The following MMP10 variants were observed in gnomAD, a reference collection of about 807,000 sequenced individuals.
MMP10 encodes the protein stromelysin-2.
In MMP10, 50 loss-of-function variants were observed where a neutral mutation model predicts 49.1. The observed-to-expected ratio is 1.02, with a 90% CI of 0.81 to 1.29. The LOEUF (loss-of-function observed/expected upper bound fraction) is 1.29, where lower values mean the gene tolerates loss of function less well. Among genes scored for constraint, MMP10 ranks in the 50% most tolerant of loss-of-function variants. The probability of loss-of-function intolerance (pLI) is 0.00; values close to 1 mark genes in which losing one functional copy is unlikely to be tolerated. For missense variants in MMP10, 613 were observed against 563.8 expected (o/e 1.09, Z -0.88); for synonymous variants, 229 against 201.6 (o/e 1.14, Z -1.15).
At chr11:102,775,751 C>A (rs1249440704) in intron 6 of MMP10, among the ~76,000 whole-genome samples, 1 of 152,118 alleles carries the variant, frequency 6.6e-6, no homozygotes, top group Non-Finnish European at 1.5e-5. Context: ...AAGCACATAT[C>A]ACTTTTTTCC....
In MMP10 at chr11:102,772,763, G is replaced by T; in HGVS notation, c.1226+84C>A. On this transcript the variant is annotated intron_variant, in intron 8 of 9. Transcript: ENST00000279441. The surrounding 1 kb of genome is among the most constrained non-coding windows in gnomAD (Gnocchi z 4.4). ...GAAGTTAGAGAAAGTTAGAGGGTGG[G>T]TGTAGGGTAGGGAAATATCCTTAAA... is the stretch of plus-strand genomic sequence containing the variant. The T allele has an allele frequency of 2.9e-6, 4 of 1,390,840 alleles. No homozygotes were observed. Among genetic ancestry groups the T allele is most frequent in the Non-Finnish European group, 3.9e-6 (4 of 1,017,318 alleles). 86.2% of individuals were successfully genotyped at this position (1,390,840 alleles called of 1,614,324 possible).
At chr11:102,771,937 G>T in intron 9 of MMP10, 75 bp downstream of exon 9, 1 of 934,226 alleles carries the variant, frequency 1.1e-6, no homozygotes, top group Non-Finnish European at 1.7e-6. Context: ...AAACTGTTTT[G>T]ATTCTGCACT....
At chr11:102,780,426 G>A (rs887261582) in intron 1 of MMP10, 61 bp downstream of exon 1, 2 of 1,387,594 alleles carry the variant, frequency 1.4e-6, no homozygotes, top group African/African-American at 1.4e-5. Context: ...CTTTGTATTG[G>A]AAGACCAAGT....
chr11:102,775,367 T>C, intron 6 of MMP10, 46 bp from the exon 7 acceptor site: 5 of 1,506,374 alleles, frequency 3.3e-6, no homozygotes, highest in Non-Finnish European at 4.5e-6. Context: ...CTTTTAGATA[T>C]GTGAAAAAAA....
At position 102,779,761 on chromosome 11, in the gene MMP10, A is replaced by G; in HGVS notation, c.106-16T>C. ...CTAGGTATTGCTAATGGAAAATAGAATTTTTAGGGCATTTTTGTGATTTTC... is the reference window on the plus strand; with the variant it reads ...CTAGGTATTGCTAATGGAAAATAGAGTTTTTAGGGCATTTTTGTGATTTTC... On this transcript the variant is annotated splice_polypyrimidine_tract_variant and intron_variant, in intron 1 of 9. Coordinates refer to ENST00000279441, the MANE Select transcript of MMP10 (RefSeq NM_002425.3). The G allele has an allele frequency of 6.3e-7, 1 of 1,593,138 alleles. No individual in the cohort carries two copies.
intron 9 of MMP10, 32 bp from the exon 10 acceptor site, chr11:102,770,925 A>C (rs1177911221): frequency 7.3e-7 from 1 of 1,366,642 alleles, no homozygotes; most frequent in Non-Finnish European, 1.0e-6. Context: ...ATGATGAGAC[A>C]TCTTCAAATA....
rs79630147 is a variant in MMP10 at position 102,771,073 on chromosome 11, A to T, written c.1331-180T>A. Among the ~76,000 whole-genome samples, 1,325 of 152,310 alleles carry T rather than the reference A, an allele frequency of 8.7e-3. 24 individuals carry two copies. The highest frequency in any genetic ancestry group is 0.03 in the African/African-American group (1,250 of 41,566). The stretch of plus-strand genomic sequence containing the variant: ...TCAATTACCCTTACAAAAAACTGTG[A>T]TGTGTTATTAATGAGAACAAAACTA... On this transcript the variant is annotated intron_variant, in intron 9 of 9. Coordinates refer to ENST00000279441, the MANE Select transcript of MMP10 (RefSeq NM_002425.3).
At chr11:102,774,957 A>G (rs1862007484) in intron 7 of MMP10, among the ~76,000 whole-genome samples, 1 of 152,216 alleles carries the variant, frequency 6.6e-6, no homozygotes, top group African/African-American at 2.4e-5. Context: ...GTATCTATAG[A>G]TAAATTGACA....
intron 9 of MMP10, 110 bp from the exon 10 acceptor site, chr11:102,771,003 TTACTC>T: frequency 1.4e-6 from 1 of 709,890 alleles, no homozygotes; most frequent in South Asian, 1.9e-5. Flanking sequence ...TATTAAGTGA[TTACTC>T]TATGCCAAGC....
Position 102,770,695 on chromosome 11 carries a change from A to G in MMP10, c.*98T>C, listed in dbSNP as rs1349931898. On this transcript the variant is annotated 3_prime_UTR_variant, in exon 10 of 10. Transcript: ENST00000279441. ...AAGGCTCATCTTCTTCAGTCACAGA[A>G]CATGCAGGAAAAATTAACCATTTTG... The G allele has an allele frequency of 8.7e-6, 6 of 693,634 alleles. No homozygotes were observed. The highest frequency in any genetic ancestry group is 1.4e-5 in the Non-Finnish European group (6 of 415,090). The allele number at this position is 693,634 out of a possible 1,614,324, so 43.0% of individuals were successfully genotyped here.
chr11:102,775,405 T>C, intron 6 of MMP10, 84 bp from the exon 7 acceptor site: 1 of 1,148,564 alleles, frequency 8.7e-7, no homozygotes, highest in South Asian at 1.8e-5. Flanking sequence ...TCCATGCTAA[T>C]TCACCCATTC....
chr11:102,774,719 C>T (rs986273638), intron 7 of MMP10, among the ~76,000 whole-genome samples: 4 of 152,140 alleles, frequency 2.6e-5, no homozygotes, highest in African/African-American at 9.7e-5. Flanking sequence ...AAAGAAGCCT[C>T]TATACCTGAA....
Position 102,772,143 on chromosome 11 carries a change from A to C in MMP10, c.1227-28T>G, listed in dbSNP as rs1433037196. ...AAACCAAATGAAAGAAATACAGTTC[A>C]ATGATGTGCAGTAGTCCCATTACAC... On this transcript the variant is annotated intron_variant, in intron 8 of 9. Transcript: ENST00000279441. The surrounding 1 kb of genome is among the most constrained non-coding windows in gnomAD (Gnocchi z 4.4). 1 of 1,398,638 alleles carries C rather than the reference A, an allele frequency of 7.1e-7. No homozygotes were observed. Among genetic ancestry groups the C allele is most frequent in the African/African-American group, 1.4e-5 (1 of 70,616 alleles). 86.6% of individuals were successfully genotyped at this position (1,398,638 alleles called of 1,614,324 possible).
In MMP10 at chr11:102,776,612, CG is replaced by C; in HGVS notation, c.786del (p.Tyr262Ter). The C allele has an allele frequency of 6.2e-7, 1 of 1,612,378 alleles. No homozygotes were observed. Among genetic ancestry groups the C allele is most frequent in the Non-Finnish European group, 8.5e-7 (1 of 1,179,504 alleles). ...GCCTAATTTTTCCAGCATCACTCAC[CG>C]TAGAGAGACTGAATGCCATTCACAT... The part of the protein sequence containing the change: ...QDDVNGIQSL[Y>X]GPPPASTEEP... On this transcript the variant is annotated frameshift_variant and splice_region_variant, in exon 5 of 10. Transcript: ENST00000279441. LOFTEE classifies it high-confidence loss of function.
rs550680862 is a variant in MMP10, at chr11:102,772,719, C to T, written c.1226+128G>A. On this transcript the variant is annotated intron_variant, in intron 8 of 9. Coordinates refer to ENST00000279441, the MANE Select transcript of MMP10 (RefSeq NM_002425.3). The surrounding 1 kb of genome is among the most constrained non-coding windows in gnomAD (Gnocchi z 4.4). ...GGAAGGTAGAACAATAAGCTGTCTT[C>T]CTCATAATCATAAATTTTGAAGTTA... is the stretch of plus-strand genomic sequence containing the variant. 2.1e-6 allele frequency: 2 copies of T among 966,232 alleles called. No homozygotes were observed. The highest frequency in any genetic ancestry group is 2.4e-5 in the Admixed American group (1 of 41,980). 59.9% of individuals were successfully genotyped at this position (966,232 alleles called of 1,614,324 possible).
In MMP10 at chr11:102,770,909, A is replaced by T; in HGVS notation, c.1331-16T>A. ...TAGAAAAATCCTGTAAATATAGATA[A>T]GGAAAATGATGAGACATCTTCAAAT... On this transcript the variant is annotated splice_polypyrimidine_tract_variant and intron_variant, in intron 9 of 9. Coordinates refer to ENST00000279441, the MANE Select transcript of MMP10 (RefSeq NM_002425.3). The T allele has an allele frequency of 6.5e-7, 1 of 1,531,976 alleles. No individual in the cohort carries two copies. Among genetic ancestry groups the T allele is most frequent in the Non-Finnish European group, 9.0e-7 (1 of 1,110,420 alleles). The allele number at this position is 1,531,976 out of a possible 1,614,324, so 94.9% of individuals were successfully genotyped here.
In MMP10 at chr11:102,776,606, A is replaced by G. The variant is rs772399773; in HGVS notation, c.787+6T>C. 6.2e-6 allele frequency: 10 copies of G among 1,604,244 alleles called. No homozygotes were observed. Among genetic ancestry groups the G allele is most frequent in the Non-Finnish European group, 7.6e-6 (9 of 1,176,856 alleles). ...TGCAATGCCTAATTTTTCCAGCATC[A>G]CTCACCGTAGAGAGACTGAATGCCA... On this transcript the variant is annotated splice_donor_region_variant and intron_variant, in intron 5 of 9. Transcript: ENST00000279441.
intron 1 of MMP10, among the ~76,000 whole-genome samples, 199 bp from the exon 2 acceptor site, chr11:102,779,944 T>C (rs986023222): frequency 2.6e-5 from 4 of 152,202 alleles, no homozygotes; most frequent in Non-Finnish European, 5.9e-5. Context: ...AAGTAAGGAA[T>C]TGGGGATTGA....
chr11:102,776,298 T>C lies in MMP10; in HGVS notation c.914A>G (p.Tyr305Cys). The change falls in exon 6 of 10, where the codon TAT (tyrosine) becomes TGT (cysteine). Residue 305 changes from tyrosine (Y) to cysteine (C), a missense_variant. Physicochemically the swap from Tyr to Cys is radical, Grantham distance 194. Coordinates refer to ENST00000279441, the MANE Select transcript of MMP10 (RefSeq NM_002425.3). ...FDAISTLRGE[Y>C]LFFKDRYFWR... ...GTCTGACCTGTCTTTAAAGAACAGATATTCTCCCCTCAGAGTGCTGATGGC... is the reference window on the plus strand; with the variant it reads ...GTCTGACCTGTCTTTAAAGAACAGACATTCTCCCCTCAGAGTGCTGATGGC... The C allele has an allele frequency of 6.2e-7, 1 of 1,613,754 alleles. No homozygotes were observed. Among genetic ancestry groups the C allele is most frequent in the Non-Finnish European group, 8.5e-7 (1 of 1,179,820 alleles).
Sources: gnomAD v4.1 joint callset for allele counts (sites outside exome capture counted in the v4.1 genomes callset) on GRCh38, gnomAD v4.1.1 for gene constraint, Gnocchi (gnomAD v3.1) non-coding constraint, MANE v1.5 for transcripts, NCBI Gene and HGNC (gene_info 2026-07-23, HGNC 2026-07-21) for gene names.